Variants in KCNAB2 observed in about 807,000 individuals in gnomAD.
KCNAB2 encodes the protein voltage-gated potassium channel subunit beta-2.
In KCNAB2, 29 loss-of-function variants were observed where a neutral mutation model predicts 63.6. That is an observed-to-expected ratio of 0.46 (90% CI 0.34 to 0.62). The LOEUF (loss-of-function observed/expected upper bound fraction) is 0.62, where lower values mean the gene tolerates loss of function less well. Ranked by LOEUF, KCNAB2 falls within the 20% of genes least tolerant of loss-of-function variation. KCNAB2 has a pLI of 0.01. For missense variants in KCNAB2, 359 were observed against 563.9 expected, an observed-to-expected ratio of 0.64 and a Z score of 3.68; for synonymous variants, 222 against 224.2, an observed-to-expected ratio of 0.99 and a Z score of 0.09.
upstream of KCNAB2, among the ~76,000 whole-genome samples, chr1:6,040,917 C>T (rs1331862222): frequency 2.6e-5 from 4 of 152,248 alleles, no homozygotes; most frequent in South Asian, 2.1e-4. Flanking sequence ...CTGACCCTTC[C>T]GAAATATCTC....
chr1:6,029,134 T>C (rs1011487070), intron 1 of KCNAB2, among the ~76,000 whole-genome samples: 3 of 152,000 alleles, frequency 2.0e-5, no homozygotes, highest in Admixed American at 6.6e-5. Flanking sequence ...TACAAAAAAA[T>C]TAGCCAGGCA....
At chr1:6,070,221 G>T (rs1663083034) in intron 2 of KCNAB2, among the ~76,000 whole-genome samples, 1 of 152,212 alleles carries the variant, frequency 6.6e-6, no homozygotes. Flanking sequence ...TTCGTATCTA[G>T]GCATATTTCC....
At chr1:6,058,821 C>A (rs753638259) in intron 2 of KCNAB2, among the ~76,000 whole-genome samples, 2 of 152,250 alleles carry the variant, frequency 1.3e-5, no homozygotes, top group Non-Finnish European at 2.9e-5. Flanking sequence ...AGAAAGCCAG[C>A]TGGCAGGCCC....
chr1:6,081,941 G>A (rs1664246629), intron 4 of KCNAB2, among the ~76,000 whole-genome samples: 1 of 152,208 alleles, frequency 6.6e-6, no homozygotes, highest in Non-Finnish European at 1.5e-5. Flanking sequence ...CTGCTCTCAA[G>A]AAATTCACAG....
intron 10 of KCNAB2, among the ~76,000 whole-genome samples, chr1:6,093,142 C>T (rs551160946): frequency 6.6e-6 from 1 of 152,246 alleles, no homozygotes; most frequent in Non-Finnish European, 1.5e-5. Context: ...AGCCCCACTC[C>T]CAGCATTTTC....
intron 1 of KCNAB2, among the ~76,000 whole-genome samples, chr1:6,047,186 CAG>C (rs1193144834): frequency 6.6e-6 from 1 of 152,178 alleles, no homozygotes; most frequent in African/African-American, 2.4e-5. Context: ...AATTGGAAGT[CAG>C]GGGTCACTGT....
At position 6,035,079 on chromosome 1, in the gene KCNAB2, C is replaced by G. The variant is rs1659922960; in HGVS notation, c.-53+285C>G. 6.6e-6 allele frequency among the ~76,000 whole-genome samples: 1 copy of G among 152,144 alleles called. No homozygotes were observed. Among genetic ancestry groups the G allele is most frequent in the Non-Finnish European group, 1.5e-5 (1 of 68,036 alleles). On this transcript the variant is annotated intron_variant, in intron 1 of 15. Transcript: ENST00000164247. The surrounding 1 kb of genome is among the most constrained non-coding windows in gnomAD (Gnocchi z 5.0). ...GACCTCCATGAGAAGGTGACCTTGG[C>G]ATAAAGAGGCAAACGTGGGAGCATG...
intron 1 of KCNAB2, among the ~76,000 whole-genome samples, chr1:6,048,030 C>T (rs1023943797): frequency 5.9e-5 from 9 of 152,248 alleles, no homozygotes; most frequent in African/African-American, 9.6e-5. Context: ...CAGGGAGGGA[C>T]GCCCTCTAAA....
intron 1 of KCNAB2, among the ~76,000 whole-genome samples, chr1:6,013,818 C>T (rs1004354863): frequency 2.6e-5 from 4 of 152,042 alleles, no homozygotes; most frequent in Non-Finnish European, 5.9e-5. Flanking sequence ...CTGCCCGGGC[C>T]CCCCCAGCAG....
chr1:6,063,868 G>A (rs768290277), intron 2 of KCNAB2, among the ~76,000 whole-genome samples: 9 of 152,186 alleles, frequency 5.9e-5, no homozygotes, highest in South Asian at 2.1e-4. Flanking sequence ...TTGTGTGGGC[G>A]TATGTTTTCA....
chr1:6,018,164 C>G (rs558448261), intron 1 of KCNAB2, among the ~76,000 whole-genome samples: 5 of 151,066 alleles, frequency 3.3e-5, no homozygotes, highest in African/African-American at 9.7e-5. Context: ...GAACTCAGCT[C>G]AAGCAATCCT....
At chr1:6,057,015 C>T (rs1661888435) in intron 2 of KCNAB2, among the ~76,000 whole-genome samples, 1 of 151,798 alleles carries the variant, frequency 6.6e-6, no homozygotes, top group African/African-American at 2.4e-5. Context: ...TCCCTGGCAC[C>T]CGGAACACCC....
At chr1:6,079,700 G>A (rs1315408447) in intron 4 of KCNAB2, among the ~76,000 whole-genome samples, 1 of 152,176 alleles carries the variant, frequency 6.6e-6, no homozygotes, top group Non-Finnish European at 1.5e-5. Context: ...AATGATGGGT[G>A]CTGGGGCTGG....
At chr1:6,068,068 T>C (rs1008242417) in intron 2 of KCNAB2, among the ~76,000 whole-genome samples, 2 of 152,196 alleles carry the variant, frequency 1.3e-5, no homozygotes, top group Non-Finnish European at 2.9e-5. Context: ...AACATGTATA[T>C]GTATATTTTT....
At chr1:6,058,383 C>A (rs1025061064) in intron 2 of KCNAB2, among the ~76,000 whole-genome samples, 1 of 152,084 alleles carries the variant, frequency 6.6e-6, no homozygotes, top group African/African-American at 2.4e-5. Flanking sequence ...CCTGAGTGTC[C>A]TGGGAGGAAC....
chr1:5,993,183 CA>C (rs1166904352), intron 1 of KCNAB2, among the ~76,000 whole-genome samples: 1 of 151,542 alleles, frequency 6.6e-6, no homozygotes, highest in East Asian at 2.0e-4. Context: ...GGCCTCTGCG[CA>C]GCCCCACCGG....
intron 1 of KCNAB2, among the ~76,000 whole-genome samples, chr1:5,995,553 T>C (rs971639704): frequency 6.6e-6 from 1 of 152,106 alleles, no homozygotes; most frequent in Non-Finnish European, 1.5e-5. Context: ...GCCACTACCA[T>C]GGAGATTTCT....
upstream of KCNAB2, among the ~76,000 whole-genome samples, chr1:6,045,469 C>T (rs1660838601): frequency 6.6e-6 from 1 of 152,138 alleles, no homozygotes; most frequent in South Asian, 2.1e-4. This position sits in a 1 kb window ranked among gnomAD's most constrained non-coding sequence, Gnocchi z 4.8. Context: ...TGTGTCCCTG[C>T]CTGGAGTGAG....
intron 4 of KCNAB2, 67 bp from the exon 5 acceptor site, chr1:6,082,128 G>A (rs1664261981): frequency 1.4e-6 from 2 of 1,396,310 alleles, no homozygotes; most frequent in East Asian, 2.3e-5. Context: ...AGGCCGAGAG[G>A]GTGGTGCTCC....
Sources: gnomAD v4.1 joint callset for allele counts (sites outside exome capture counted in the v4.1 genomes callset) on GRCh38, gnomAD v4.1.1 for gene constraint, Gnocchi (gnomAD v3.1) non-coding constraint, MANE v1.5 for transcripts, NCBI Gene and HGNC (gene_info 2026-07-23, HGNC 2026-07-21) for gene names.